The following TBC1D8 variants were observed in gnomAD, a reference collection of about 807,000 sequenced individuals.
TBC1D8 encodes the protein BUB2-like protein 1.
TBC1D8 carries 65 observed loss-of-function variants against 118.8 expected under a neutral mutation model. The observed-to-expected ratio is 0.55, with a 90% CI of 0.45 to 0.67. TBC1D8 has a LOEUF of 0.67. TBC1D8 is among the 30% of genes least tolerant of loss of function. The probability of loss-of-function intolerance (pLI) is 0.00; values close to 1 mark genes in which losing one functional copy is unlikely to be tolerated. For missense variants in TBC1D8, 1,376 were observed against 1,471.2 expected (o/e 0.94, Z 1.06); for synonymous variants, 566 against 595.8 (o/e 0.95, Z 0.73).
At chr2:101,093,687 C>T (rs965289658) in intron 1 of TBC1D8, among the ~76,000 whole-genome samples, 1 of 151,962 alleles carries the variant, frequency 6.6e-6, no homozygotes, top group Non-Finnish European at 1.5e-5. Flanking sequence ...TGCACTTCAG[C>T]CTGGGCAACA....
intron 5 of TBC1D8, among the ~76,000 whole-genome samples, chr2:101,048,387 T>G (rs1196552176): frequency 2.6e-5 from 4 of 151,978 alleles, no homozygotes; most frequent in Admixed American, 2.6e-4. Flanking sequence ...GGCTGAGAGG[T>G]GCAGGTCCAA....
chr2:101,091,045 G>A (rs1231939454), intron 1 of TBC1D8, among the ~76,000 whole-genome samples: 1 of 152,148 alleles, frequency 6.6e-6, no homozygotes, highest in Non-Finnish European at 1.5e-5. Context: ...CACTTTGGGA[G>A]GCCAAGGCGG....
At chr2:101,017,718 C>T in intron 17 of TBC1D8, 1 of 843,020 alleles carries the variant, frequency 1.2e-6, no homozygotes, top group Admixed American at 2.5e-5. Flanking sequence ...ATCCATGGTA[C>T]ATCACTTTAT....
At chr2:101,131,122 T>C (rs1678572768) in intron 1 of TBC1D8, among the ~76,000 whole-genome samples, 1 of 152,158 alleles carries the variant, frequency 6.6e-6, no homozygotes, top group Non-Finnish European at 1.5e-5. Context: ...AGGCTGGTCT[T>C]GAACTCCTTG....
chr2:101,012,278 A>G (rs150719619), intron 17 of TBC1D8, among the ~76,000 whole-genome samples: 1 of 152,222 alleles, frequency 6.6e-6, no homozygotes, highest in African/African-American at 2.4e-5. Flanking sequence ...AGTATTGTTC[A>G]TAGTAGCCAA....
At chr2:101,042,448 T>C (rs997622952) in intron 5 of TBC1D8, among the ~76,000 whole-genome samples, 2 of 152,234 alleles carry the variant, frequency 1.3e-5, no homozygotes, top group Admixed American at 1.3e-4. Flanking sequence ...TTATGTACTC[T>C]GTAACCCCGA....
chr2:101,135,089 A>G (rs888493486), intron 1 of TBC1D8, among the ~76,000 whole-genome samples: 4 of 152,074 alleles, frequency 2.6e-5, no homozygotes, highest in African/African-American at 7.2e-5. Flanking sequence ...GGAGAATGGC[A>G]TGAACCCGGG....
At chr2:101,095,491 A>G (rs1288027309) in intron 1 of TBC1D8, among the ~76,000 whole-genome samples, 3 of 146,114 alleles carry the variant, frequency 2.1e-5, no homozygotes, top group South Asian at 2.2e-4. Context: ...CTATGAGTGA[A>G]AACATGCGGT....
At chr2:101,037,183 CA>C (rs202005662) in intron 8 of TBC1D8, among the ~76,000 whole-genome samples, 4 of 150,336 alleles carry the variant, frequency 2.7e-5, no homozygotes, top group Non-Finnish European at 1.5e-5. Flanking sequence ...TCCCAGAAGA[CA>C]AAAAAAAAGG....
intron 1 of TBC1D8, among the ~76,000 whole-genome samples, chr2:101,122,048 G>A (rs530473153): frequency 8.6e-5 from 13 of 151,286 alleles, no homozygotes; most frequent in Non-Finnish European, 1.6e-4. Flanking sequence ...CCTGGGCATC[G>A]CAGTGAGACT....
At position 101,038,486 on chromosome 2, in the gene TBC1D8, T is replaced by C. The variant is rs1322611837; in HGVS notation, c.1250A>G (p.Tyr417Cys). Residue 417 changes from tyrosine to cysteine, a missense_variant, in exon 7 of 20, where the codon TAC becomes TGC. Tyr to Cys is a radical substitution (Grantham distance 194). Coordinates refer to ENST00000409318, the MANE Select transcript of TBC1D8 (RefSeq NM_001330348.2). ...CATGTCATCATCCGCAGAGGTGTCG[T>C]AGTGCACGGGGTGGTTGGCGTGGAC... ...KQVHANHPVH[Y>C]DTSADDDMAS... The C allele has an allele frequency of 3.1e-5, 50 of 1,613,704 alleles. No individual in the cohort carries two copies. The highest frequency in any genetic ancestry group is 4.0e-5 in the Non-Finnish European group (47 of 1,179,840).
Position 101,038,471 on chromosome 2 carries a change from T to C in TBC1D8, c.1265A>G (p.Asp422Gly), listed in dbSNP as rs535403545. 29 of 1,613,588 alleles carry C rather than the reference T, an allele frequency of 1.8e-5. No homozygotes were observed. Among genetic ancestry groups the C allele is most frequent in the South Asian group, 8.8e-5 (8 of 91,070 alleles). Residue 422 changes from aspartate (D) to glycine (G), a missense_variant, in exon 7 of 20, where the codon GAT becomes GGT. Physicochemically the swap from Asp to Gly is moderately conservative, Grantham distance 94. Coordinates refer to ENST00000409318, the MANE Select transcript of TBC1D8 (RefSeq NM_001330348.2). ...CTGGAGGGACCATACCATGTCATCA[T>C]CCGCAGAGGTGTCGTAGTGCACGGG... is the stretch of plus-strand genomic sequence containing the variant. ...NHPVHYDTSA[D>G]DDMASLVFHS...
Position 101,016,134 on chromosome 2 carries a change from G to A in TBC1D8, c.2828-4594C>T, listed in dbSNP as rs146246626. On this transcript the variant is annotated intron_variant, in intron 17 of 19. Coordinates refer to ENST00000409318, the MANE Select transcript of TBC1D8 (RefSeq NM_001330348.2). ...AAGAAACTACCATCAGAGTGAACACGCAATCTTCAAAATGGGAGAAAATTT... is the reference window on the plus strand; with the variant it reads ...AAGAAACTACCATCAGAGTGAACACACAATCTTCAAAATGGGAGAAAATTT... 5.3e-3 allele frequency among the ~76,000 whole-genome samples: 802 copies of A among 152,290 alleles called. 8 individuals carry two copies. Among genetic ancestry groups the A allele is most frequent in the Non-Finnish European group, 8.3e-3 (566 of 68,036 alleles).
rs1680397606 is a variant in TBC1D8, at chr2:101,027,366, T to G, written c.2520+17A>C. On this transcript the variant is annotated intron_variant, in intron 15 of 19. Coordinates refer to ENST00000409318, the MANE Select transcript of TBC1D8 (RefSeq NM_001330348.2). Reference sequence around the variant, plus strand: ...AGCTCAGGGCCTGGAACCCCTCATCTTCCCAGAGCTGCGTACCTTGAATAA... The same window carrying G: ...AGCTCAGGGCCTGGAACCCCTCATCGTCCCAGAGCTGCGTACCTTGAATAA... 3.1e-6 allele frequency: 5 copies of G among 1,611,752 alleles called. No homozygotes were observed. Among genetic ancestry groups the G allele is most frequent in the Non-Finnish European group, 4.2e-6 (5 of 1,178,262 alleles).
At chr2:101,073,847 T>C (rs918050451) in intron 2 of TBC1D8, among the ~76,000 whole-genome samples, 1 of 152,250 alleles carries the variant, frequency 6.6e-6, no homozygotes, top group African/African-American at 2.4e-5. Flanking sequence ...GAGTCTTGCA[T>C]GGATTAGGCT....
At chr2:101,032,413 C>A in intron 10 of TBC1D8, 28 bp from the exon 11 acceptor site, 1 of 1,581,426 alleles carries the variant, frequency 6.3e-7, no homozygotes, top group Non-Finnish European at 8.7e-7. Context: ...AGGGCAGTTA[C>A]TGACTGGCCC....
In TBC1D8 at chr2:101,021,740, A is replaced by G. The variant is rs370900495; in HGVS notation, c.2768T>C (p.Met923Thr). 21 of 1,571,504 alleles carry G rather than the reference A, an allele frequency of 1.3e-5. No homozygotes were observed. The highest frequency in any genetic ancestry group is 1.8e-5 in the Non-Finnish European group (21 of 1,151,626). The change falls in exon 17 of 20, where the codon ATG becomes ACG. Residue 923 changes from methionine to threonine, a missense_variant. By Grantham distance (81) the Met-to-Thr change is moderately conservative. Transcript: ENST00000409318. ...FKAFVSCLDI[M>T]YNGEMNEKIK... ...CTTCTCATTCATTTCTCCATTATAC[A>G]TAATATCTGCAAAAAGTTTAAAAAG...
At chr2:101,125,198 G>C (rs1398740856) in intron 1 of TBC1D8, among the ~76,000 whole-genome samples, 1 of 100,814 alleles carries the variant, frequency 9.9e-6, no homozygotes, top group Non-Finnish European at 2.0e-5. Flanking sequence ...CAGAGCCCAG[G>C]GGGCACCCGG....
At chr2:101,009,198 C>T (rs1678986252) in intron 19 of TBC1D8, among the ~76,000 whole-genome samples, 1 of 122,280 alleles carries the variant, frequency 8.2e-6, no homozygotes, top group Non-Finnish European at 2.0e-5. Flanking sequence ...TTGAGACCAT[C>T]CTGGCTAACA....
Sources: allele counts gnomAD v4.1 joint callset (sites outside exome capture counted in the v4.1 genomes callset), GRCh38; gene constraint gnomAD v4.1.1; transcripts MANE v1.5; gene names NCBI Gene and HGNC (gene_info 2026-07-23, HGNC 2026-07-21).